CPAMD8: variants seen among roughly 807,000 people sequenced by gnomAD.
CPAMD8 encodes C3 and PZP like alpha-2-macroglobulin domain containing 8, also known as C3 and PZP-like alpha-2-macroglobulin domain-containing protein 8.
In CPAMD8, 146 loss-of-function variants were observed where a neutral mutation model predicts 224.7. The ratio of observed to expected loss-of-function variants is 0.65; its 90% CI spans 0.57 to 0.75. The LOEUF (loss-of-function observed/expected upper bound fraction) is 0.75. CPAMD8 is among the 30% of genes least tolerant of loss of function. The pLI is 0.00. For synonymous variants in CPAMD8, 966 were observed against 1,044.6 expected (o/e 0.92, Z 1.45); for missense variants, 2,301 against 2,537.5 (o/e 0.91, Z 2.00).
chr19:17,011,532 G>A lies in CPAMD8; in HGVS notation c.434-16C>T. 2 of 1,614,138 alleles carry A rather than the reference G, an allele frequency of 1.2e-6. No individual in the cohort carries two copies. The highest frequency in any genetic ancestry group is 1.1e-5 in the South Asian group (1 of 91,088). ...CTTATGAGCACTAGAAGAAAGAAGA[G>A]AGGCGTGTGACACCTCCAGACCATG... On this transcript the variant is annotated splice_polypyrimidine_tract_variant and intron_variant, in intron 4 of 41. Transcript: ENST00000443236.
At chr19:16,985,035 T>C (rs1187267771) in intron 13 of CPAMD8, among the ~76,000 whole-genome samples, 1 of 152,208 alleles carries the variant, frequency 6.6e-6, no homozygotes, top group East Asian at 1.9e-4. Context: ...CAATATAATT[T>C]GGTGAATGTA....
At chr19:17,022,636 T>G (rs2056989733) in intron 1 of CPAMD8, among the ~76,000 whole-genome samples, 1 of 151,744 alleles carries the variant, frequency 6.6e-6, no homozygotes, top group African/African-American at 2.4e-5. Flanking sequence ...GTAGCTGGGA[T>G]TATAGGTGCC....
intron 12 of CPAMD8, among the ~76,000 whole-genome samples, chr19:16,990,863 C>CAAAAAAAAAAAAAAAAAAAAA (rs3067791): frequency 1.5e-4 from 11 of 73,176 alleles, no homozygotes; most frequent in East Asian, 3.7e-4. Flanking sequence ...AACTCTGTCT[C>CAAAAAAAAAAAAAAAAAAAAA]AAAAAAAAAA....
Position 16,898,186 on chromosome 19 carries a change from C to A in CPAMD8, c.4849-192G>T, listed in dbSNP as rs28485619. On this transcript the variant is annotated intron_variant, in intron 37 of 41. Transcript: ENST00000443236. The surrounding 1 kb of genome is among the most constrained non-coding windows in gnomAD (Gnocchi z 4.2). ...CTGAGACAGAGTCTCGCGCTGTTGC[C>A]CAGGCTGGAGTGCAGTGGCGTGATC... The A allele has an allele frequency of 5.1e-3, 2,811 of 556,202 alleles. 74 individuals carry two copies. The African/African-American group carries it at 0.051, about 10-fold the overall frequency. 34.5% of individuals were successfully genotyped at this position (556,202 alleles called of 1,614,324 possible).
chr19:16,984,534 AAG>A (rs2055643927), intron 13 of CPAMD8, among the ~76,000 whole-genome samples: 1 of 152,180 alleles, frequency 6.6e-6, no homozygotes, highest in South Asian at 2.1e-4. Flanking sequence ...GCAAAAGAAA[AAG>A]AGAAATTGGA....
At chr19:16,940,208 G>A (rs773919737) in intron 22 of CPAMD8, among the ~76,000 whole-genome samples, 5 of 152,100 alleles carry the variant, frequency 3.3e-5, no homozygotes, top group Non-Finnish European at 5.9e-5. Flanking sequence ...CACCACGCCC[G>A]GCCTCCTGGG....
chr19:16,896,844 A>G, intron 39 of CPAMD8, 179 bp from the exon 40 acceptor site: 2 of 426,340 alleles, frequency 4.7e-6, no homozygotes, highest in Non-Finnish European at 8.2e-6. Flanking sequence ...TCACGCAGGT[A>G]TTTGCCTAAT....
chr19:16,904,176 A>AGGGCCCCCCCCCCCCCCCCCCCCCCCCC, intron 32 of CPAMD8, 50 bp downstream of exon 32: 9 of 937,328 alleles, frequency 9.6e-6, no homozygotes, highest in South Asian at 1.4e-5. Context: ...GACTGCAGGG[A>AGGGCCCCCCCCCCCCCCCCCCCCCCCCC]CCCCACCCAC....
intron 27 of CPAMD8, among the ~76,000 whole-genome samples, chr19:16,916,478 C>T (rs563928800): frequency 6.6e-6 from 1 of 152,260 alleles, no homozygotes; most frequent in Admixed American, 6.5e-5. Context: ...TCTCAAACTC[C>T]TGACCTCAAG....
chr19:16,948,387 C>T (rs2054175721), intron 20 of CPAMD8, among the ~76,000 whole-genome samples: 1 of 152,128 alleles, frequency 6.6e-6, no homozygotes, highest in South Asian at 2.1e-4. Context: ...GATCTGAGAG[C>T]CAATGGCTGC....
chr19:16,982,482 T>C (rs1027861011), intron 13 of CPAMD8, among the ~76,000 whole-genome samples: 1 of 152,024 alleles, frequency 6.6e-6, no homozygotes, highest in Admixed American at 6.6e-5. Context: ...AATCTGCCTG[T>C]TTAAGAAGCT....
intron 3 of CPAMD8, among the ~76,000 whole-genome samples, chr19:17,013,109 A>C (rs1274628453): frequency 2.0e-5 from 3 of 152,092 alleles, no homozygotes; most frequent in Non-Finnish European, 2.9e-5. Flanking sequence ...TGAACCCAGG[A>C]GGCAGAGGTT....
At chr19:16,924,773 C>T (rs1392645220) in intron 26 of CPAMD8, among the ~76,000 whole-genome samples, 2 of 151,784 alleles carry the variant, frequency 1.3e-5, no homozygotes, top group African/African-American at 4.8e-5. Flanking sequence ...TTGTAGAGAC[C>T]GGGGTCTTGC....
chr19:16,927,150 A>G (rs377766101), intron 25 of CPAMD8, among the ~76,000 whole-genome samples: 2 of 151,690 alleles, frequency 1.3e-5, no homozygotes, highest in South Asian at 2.1e-4. Context: ...TGTGTCCCCA[A>G]CCAAATCTTG....
At chr19:16,923,150 G>C (rs1482795383) in intron 26 of CPAMD8, among the ~76,000 whole-genome samples, 2 of 152,200 alleles carry the variant, frequency 1.3e-5, no homozygotes, top group Non-Finnish European at 2.9e-5. Context: ...GAGGCCGGTG[G>C]GCCACAGGGC....
chr19:17,020,191 C>CT (rs2056918938), intron 3 of CPAMD8, 140 bp downstream of exon 3: 1 of 675,440 alleles, frequency 1.5e-6, no homozygotes, highest in African/African-American at 1.8e-5. Flanking sequence ...CCAGGCTGAT[C>CT]TCGAACTCCT....
intron 27 of CPAMD8, among the ~76,000 whole-genome samples, chr19:16,917,475 A>T (rs1461402877): frequency 6.6e-6 from 1 of 151,910 alleles, no homozygotes. Context: ...TGGCCGGGCG[A>T]GGTGGCTCAT....
At chr19:16,970,579 T>C (rs2055025140) in intron 18 of CPAMD8, among the ~76,000 whole-genome samples, 1 of 151,656 alleles carries the variant, frequency 6.6e-6, no homozygotes, top group African/African-American at 2.4e-5. Flanking sequence ...GGGGGACAGA[T>C]TGAGTGAGAC....
In CPAMD8 at chr19:17,019,971, CTTTTTTTT is replaced by C. The variant is rs569150151; in HGVS notation, c.267+352_267+359del. On this transcript the variant is annotated intron_variant, in intron 3 of 41. Transcript: ENST00000443236. The stretch of plus-strand genomic sequence containing the variant: ...TTCAATTCTTTTTTTTTTTTCTTTT[CTTTTTTTT>C]TTTTTTTTTGGTGAGACGGAGATTT... Among the ~76,000 whole-genome samples the C allele has an allele frequency of 1.6e-4, 16 of 97,882 alleles. No homozygotes were observed. The East Asian group carries it at 1.7e-3, about 11-fold the overall frequency. The allele number at this position is 97,882 out of a possible 152,430, so 64.2% of individuals were successfully genotyped here. A position where few individuals can be genotyped will look rare whatever the true frequency, so the allele number is the denominator to read the frequency against.
Sources: allele counts gnomAD v4.1 joint callset (sites outside exome capture counted in the v4.1 genomes callset), GRCh38; gene constraint gnomAD v4.1.1; non-coding constraint Gnocchi (gnomAD v3.1); transcripts MANE v1.5; gene names NCBI Gene and HGNC (gene_info 2026-07-23, HGNC 2026-07-21).